Variants in ECH1 observed in about 807,000 individuals in gnomAD.
The protein encoded by ECH1 is enoyl-CoA hydratase 1, also known as delta(3,5)-Delta(2,4)-dienoyl-CoA isomerase, mitochondrial.
Under a neutral mutation model 37.0 loss-of-function variants are expected in ECH1, and 30 were observed. The ratio of observed to expected loss-of-function variants is 0.81; its 90% CI spans 0.61 to 1.10. The LOEUF (loss-of-function observed/expected upper bound fraction) is 1.10, where lower values mean the gene tolerates loss of function less well. ECH1 is among the 50% of genes least tolerant of loss of function. The pLI, the probability that ECH1 is intolerant of heterozygous loss-of-function variation, is 0.00. For synonymous variants in ECH1, 178 were observed against 176.0 expected, an observed-to-expected ratio of 1.01 and a Z score of -0.09; for missense variants, 456 against 441.6, an observed-to-expected ratio of 1.03 and a Z score of -0.29.
intron 3 of ECH1, among the ~76,000 whole-genome samples, chr19:38,829,702 A>C (rs1231085785): frequency 6.7e-6 from 1 of 149,242 alleles, no homozygotes; most frequent in Non-Finnish European, 1.5e-5. Flanking sequence ...TGGTGGTCCC[A>C]GTACTCGGGA....
chr19:38,828,121 A>G (rs746999869), intron 3 of ECH1, among the ~76,000 whole-genome samples: 1 of 151,980 alleles, frequency 6.6e-6, no homozygotes, highest in Non-Finnish European at 1.5e-5. Flanking sequence ...GAAACTCAAC[A>G]CTCTTTGGAA....
intron 3 of ECH1, among the ~76,000 whole-genome samples, chr19:38,829,285 CAAAA>C (rs35813067): frequency 6.2e-5 from 4 of 64,242 alleles, no homozygotes; most frequent in African/African-American, 1.2e-4. Context: ...ACTCCTTCTC[CAAAA>C]AAAAAAAAAA....
rs1386548783 is a variant in ECH1 at position 38,831,467 on chromosome 19, A to G, written c.102T>C (p.Thr34=). Residue 34 remains threonine (T), a synonymous_variant, in exon 2 of 10, where the codon ACT becomes ACC. Transcript: ENST00000221418. ...YPGLSISLRL[T]GSSAQEEASG... Reference sequence around the variant, plus strand: ...AAGCCTCCTCTTGTGCAGAGGAGCCAGTGAGGCGAAGGCTAATACTGAGTC... The same window carrying G: ...AAGCCTCCTCTTGTGCAGAGGAGCCGGTGAGGCGAAGGCTAATACTGAGTC... 1 of 1,614,134 alleles carries G rather than the reference A, an allele frequency of 6.2e-7. No individual in the cohort carries two copies. The highest frequency in any genetic ancestry group is 2.2e-5 in the East Asian group (1 of 44,882).
At chr19:38,818,478 C>CTTT in intron 3 of ECH1, 1 of 690,616 alleles carries the variant, frequency 1.4e-6, no homozygotes, top group Non-Finnish European at 1.8e-6. Context: ...GTCAGATCCT[C>CTTT]TTTTTTTTTA....
At chr19:38,821,042 G>A (rs1263486129) in intron 3 of ECH1, among the ~76,000 whole-genome samples, 1 of 152,236 alleles carries the variant, frequency 6.6e-6, no homozygotes, top group Non-Finnish European at 1.5e-5. Context: ...ACTTTGGGAG[G>A]CTGAGGCAGG....
Position 38,822,375 on chromosome 19 carries a change from G to T in ECH1, c.350-4800C>A, listed in dbSNP as rs1971676374. ...ACTCTTTATGTCTAGCTAAGGGATT[G>T]TAAACAACCAATCAGCACTCTGTGT... On this transcript the variant is annotated intron_variant, in intron 3 of 9. Transcript: ENST00000221418. 2.7e-5 allele frequency among the ~76,000 whole-genome samples: 4 copies of T among 150,078 alleles called. No homozygotes were observed. In the South Asian group the frequency reaches 8.5e-4, roughly 32 times the overall value.
Position 38,831,298 on chromosome 19 carries a change from G to A in ECH1, c.260+11C>T. On this transcript the variant is annotated intron_variant, in intron 2 of 9. Transcript: ENST00000221418. ...CCCCGCAGGCAGGCCTCCAGGATCT[G>A]CAGGTCAGACCTCCAGAAGACCTTG... 1 of 1,608,202 alleles carries A rather than the reference G, an allele frequency of 6.2e-7. No individual in the cohort carries two copies. The highest frequency in any genetic ancestry group is 8.5e-7 in the Non-Finnish European group (1 of 1,175,768).
In ECH1 at chr19:38,816,321, T is replaced by C. The variant is rs777945107; in HGVS notation, c.694A>G (p.Met232Val). The C allele has an allele frequency of 6.2e-7, 1 of 1,613,768 alleles. No homozygotes were observed. Among genetic ancestry groups the C allele is most frequent in the Non-Finnish European group, 8.5e-7 (1 of 1,179,984 alleles). The part of the protein sequence containing the change: ...VNELAFTARK[M>V]MADEALGSGL... ...CTGCCCAGGGCCTCGTCAGCCATCA[T>C]CTTGCGGGCGGTGAAGGCCAGCTCG... The change falls in exon 8 of 10, where the codon ATG becomes GTG. Residue 232 changes from methionine (M) to valine (V), a missense_variant. Transcript: ENST00000221418.
chr19:38,818,951 T>G (rs1384368076), intron 3 of ECH1, among the ~76,000 whole-genome samples: 6 of 137,876 alleles, frequency 4.4e-5, no homozygotes, highest in Admixed American at 1.5e-4. Flanking sequence ...CCCAACCTGT[T>G]ACTTTGGGCA....
At chr19:38,830,336 T>C (rs1176240971) in intron 3 of ECH1, among the ~76,000 whole-genome samples, 1 of 152,190 alleles carries the variant, frequency 6.6e-6, no homozygotes, top group Admixed American at 6.5e-5. Context: ...CATGTTATTA[T>C]ATTATATGCT....
chr19:38,821,932 G>T (rs182091944), intron 3 of ECH1, among the ~76,000 whole-genome samples: 6 of 152,390 alleles, frequency 3.9e-5, no homozygotes, highest in Admixed American at 2.0e-4. Context: ...CTGAGCTCCT[G>T]AGTCTAGTGG....
intron 2 of ECH1, 42 bp downstream of exon 2, chr19:38,831,267 G>GC: frequency 1.9e-6 from 3 of 1,606,178 alleles, no homozygotes; most frequent in Non-Finnish European, 2.6e-6. Flanking sequence ...CCGCAGCCCC[G>GC]CCTCCCCCCG....
chr19:38,818,192 T>C (rs1332942047), intron 3 of ECH1: 8 of 980,702 alleles, frequency 8.2e-6, no homozygotes, highest in Non-Finnish European at 9.7e-6. Context: ...ACCATGCAGC[T>C]GGCTCCAGAG....
chr19:38,819,267 A>G, intron 3 of ECH1: 1 of 978,252 alleles, frequency 1.0e-6, no homozygotes, highest in South Asian at 4.7e-5. Context: ...GAGGGAGCCA[A>G]GGACCTTTGG....
chr19:38,815,670 C>T lies in ECH1; in HGVS notation c.930G>A (p.Ser310=), dbSNP rs144521764. The change falls in exon 10 of 10, where the codon TCG becomes TCA. Residue 310 remains serine, a synonymous_variant. Transcript: ENST00000221418. ...CCTTGTTCTCAGTCGTGGCCTGGAC[C>T]GACTTCACGAGGTCTTGGGTCTGCA... ...SMLQTQDLVK[S]VQATTENKEL... is the part of the protein sequence containing the mutation. 74 of 1,614,038 alleles carry T rather than the reference C, an allele frequency of 4.6e-5. No homozygotes were observed. The African/African-American group carries it at 8.3e-4, about 18-fold the overall frequency.
rs1172257067 is a variant in ECH1 at position 38,815,570 on chromosome 19, G to A, written c.*43C>T. On this transcript the variant is annotated 3_prime_UTR_variant, in exon 10 of 10. Coordinates refer to ENST00000221418, the MANE Select transcript of ECH1 (RefSeq NM_001398.3). ...TCCTCCCTTTCTGTGGATGAGGCGG[G>A]ACAAGGCCGGCCCCCTGGCTGGGGC... is the stretch of plus-strand genomic sequence containing the variant. The A allele has an allele frequency of 6.3e-7, 1 of 1,591,366 alleles. No individual in the cohort carries two copies. Among genetic ancestry groups the A allele is most frequent in the Non-Finnish European group, 8.6e-7 (1 of 1,160,700 alleles).
chr19:38,815,513 T>A lies in ECH1; in HGVS notation c.*100A>T. 1 of 1,137,446 alleles carries A rather than the reference T, an allele frequency of 8.8e-7. No individual in the cohort carries two copies. The highest frequency in any genetic ancestry group is 1.3e-6 in the Non-Finnish European group (1 of 767,256). The allele number at this position is 1,137,446 out of a possible 1,614,324, so 70.5% of individuals were successfully genotyped here. Reference sequence around the variant, plus strand: ...TAAAGTTATAAACTGGGAAACTGGGTCAGAAGGCATAGAAACAACTGTCAT... The same window carrying A: ...TAAAGTTATAAACTGGGAAACTGGGACAGAAGGCATAGAAACAACTGTCAT... On this transcript the variant is annotated 3_prime_UTR_variant, in exon 10 of 10. Coordinates refer to ENST00000221418, the MANE Select transcript of ECH1 (RefSeq NM_001398.3).
chr19:38,829,708 C>T (rs886532259), intron 3 of ECH1, among the ~76,000 whole-genome samples: 1 of 147,424 alleles, frequency 6.8e-6, no homozygotes, highest in African/African-American at 2.5e-5. Flanking sequence ...TCCCAGTACT[C>T]GGGAGGCTGA....
chr19:38,825,791 G>A (rs912640054), intron 3 of ECH1, among the ~76,000 whole-genome samples: 3 of 152,136 alleles, frequency 2.0e-5, no homozygotes, highest in East Asian at 1.9e-4. Flanking sequence ...CTGCCCCCTC[G>A]TCCATGTCCA....
Sources: allele counts gnomAD v4.1 joint callset (sites outside exome capture counted in the v4.1 genomes callset), GRCh38; gene constraint gnomAD v4.1.1; transcripts MANE v1.5; gene names NCBI Gene and HGNC (gene_info 2026-07-23, HGNC 2026-07-21).